The following C4orf50 variants were observed in gnomAD, a reference collection of about 807,000 sequenced individuals.
C4orf50 encodes the protein chromosome 4 open reading frame 50, also known as uncharacterized protein C4orf50.
In C4orf50, 80 loss-of-function variants were observed where a neutral mutation model predicts 77.2. That is an observed-to-expected ratio of 1.04 (90% CI 0.87 to 1.25). The LOEUF is 1.25. Among genes scored for constraint, C4orf50 ranks in the 50% most tolerant of loss-of-function variants. C4orf50 has a pLI of 0.00. For synonymous variants in C4orf50, 532 were observed against 465.3 expected, an observed-to-expected ratio of 1.14 and a Z score of -1.84; for missense variants, 1,257 against 1,152.9, an observed-to-expected ratio of 1.09 and a Z score of -1.31.
At chr4:5,989,758 G>A (rs1373457522) in exon 28 of C4orf50, 10 of 1,531,158 alleles carry the variant, frequency 6.5e-6, no homozygotes, top group Non-Finnish European at 8.7e-6. Context: ...TGTCTCTCCT[G>A]CAAAGAAAAG....
intron 7 of C4orf50, among the ~76,000 whole-genome samples, chr4:5,945,182 C>A (rs1034502279): frequency 1.3e-5 from 2 of 152,364 alleles, no homozygotes; most frequent in African/African-American, 4.8e-5. Flanking sequence ...CCCCAGTCCC[C>A]TCTGCATGAA....
intron 7 of C4orf50, among the ~76,000 whole-genome samples, chr4:5,935,023 G>A (rs773321736): frequency 6.6e-6 from 1 of 152,222 alleles, no homozygotes; most frequent in Non-Finnish European, 1.5e-5. Context: ...AGATACAGTT[G>A]TCATGAAGGC....
At chr4:6,004,353 G>T (rs1460571026) in intron 25 of C4orf50, among the ~76,000 whole-genome samples, 12 of 17,760 alleles carry the variant, frequency 6.8e-4, no homozygotes, top group African/African-American at 1.5e-3. Flanking sequence ...TGATGATGAC[G>T]GTGATGGTGA....
chr4:6,000,401 C>G lies in C4orf50; in HGVS notation c.964-5925G>C, dbSNP rs899772689. On this transcript the variant is annotated intron_variant, in intron 25 of 33. Transcript: ENST00000531445. The surrounding 1 kb of genome is among the most constrained non-coding windows in gnomAD (Gnocchi z 6.0). ...AACCTGAGAGCTGGTGGCTGGCTAG[C>G]TCTTCACATTTCCCAGTGGCCCTCT... is the stretch of plus-strand genomic sequence containing the variant. Among the ~76,000 whole-genome samples the G allele has an allele frequency of 6.6e-6, 1 of 152,170 alleles. No homozygotes were observed. The highest frequency in any genetic ancestry group is 2.4e-5 in the African/African-American group (1 of 41,428).
In C4orf50 at chr4:5,972,008, ATT is replaced by A. The variant is rs33971925; in HGVS notation, c.4104+1649_4104+1650del. The stretch of plus-strand genomic sequence containing the variant: ...TTCACAACCTGGAACTCTGCTTTCG[ATT>A]TTTTTTTTTTTTTTTGACACAGTCT... On this transcript the variant is annotated intron_variant, in intron 31 of 33. Coordinates refer to ENST00000531445, the Ensembl canonical transcript of C4orf50. 3.1e-3 allele frequency among the ~76,000 whole-genome samples: 436 copies of A among 140,054 alleles called. 6 individuals carry two copies. Among genetic ancestry groups the A allele is most frequent in the African/African-American group, 9.2e-3 (349 of 37,932 alleles). 91.9% of individuals were successfully genotyped at this position (140,054 alleles called of 152,430 possible). A position where few individuals can be genotyped will look rare whatever the true frequency, so the allele number is the denominator to read the frequency against.
intron 28 of C4orf50, among the ~76,000 whole-genome samples, chr4:5,986,298 T>A (rs1720851889): frequency 6.6e-6 from 1 of 152,174 alleles, no homozygotes; most frequent in South Asian, 2.1e-4. Flanking sequence ...ATATACTGTA[T>A]ATTTTCTGAC....
At chr4:5,923,581 G>A (rs932091873) in intron 7 of C4orf50, among the ~76,000 whole-genome samples, 1 of 150,412 alleles carries the variant, frequency 6.6e-6, no homozygotes, top group Admixed American at 6.6e-5. Flanking sequence ...GCGAGGGATC[G>A]GGGGTAGGGA....
intron 7 of C4orf50, among the ~76,000 whole-genome samples, chr4:5,933,954 G>A (rs1289664141): frequency 6.6e-6 from 1 of 152,118 alleles, no homozygotes; most frequent in Non-Finnish European, 1.5e-5. Context: ...AGGAAGAGAT[G>A]ACAGAGAGGA....
At chr4:5,998,835 G>A (rs938267215) in intron 25 of C4orf50, among the ~76,000 whole-genome samples, 4 of 152,232 alleles carry the variant, frequency 2.6e-5, no homozygotes, top group African/African-American at 9.6e-5. Context: ...TCATGGGAAA[G>A]CATTCAGACC....
intron 7 of C4orf50, among the ~76,000 whole-genome samples, chr4:5,924,621 GAGC>G (rs1717431683): frequency 6.6e-6 from 1 of 152,196 alleles, no homozygotes; most frequent in African/African-American, 2.4e-5. Flanking sequence ...GGCGGGCCTG[GAGC>G]AGCAGCCCAG....
At chr4:5,999,367 G>A (rs1226324739) in intron 25 of C4orf50, among the ~76,000 whole-genome samples, 1 of 152,144 alleles carries the variant, frequency 6.6e-6, no homozygotes, top group Non-Finnish European at 1.5e-5. Context: ...CACCTCATAA[G>A]CTTGTTGTGG....
At chr4:5,959,662 C>T in intron 33 of C4orf50, 36 bp from the exon 12 acceptor site, 1 of 1,580,462 alleles carries the variant, frequency 6.3e-7, no homozygotes, top group East Asian at 2.3e-5. Context: ...GTCTCTGCGT[C>T]CACATGTTTG....
At chr4:5,922,980 C>T (rs1410559975) in intron 7 of C4orf50, among the ~76,000 whole-genome samples, 1 of 152,196 alleles carries the variant, frequency 6.6e-6, no homozygotes, top group East Asian at 1.9e-4. Flanking sequence ...TCATTCTAAA[C>T]ATTTTGACAG....
intron 7 of C4orf50, chr4:5,898,199 C>T (rs1422133442): frequency 6.6e-6 from 1 of 152,194 alleles, no homozygotes; most frequent in Admixed American, 6.5e-5. Flanking sequence ...TTGCCAGCCT[C>T]GCTTATCACT....
intron 7 of C4orf50, among the ~76,000 whole-genome samples, chr4:5,930,898 G>A (rs1043079016): frequency 1.3e-5 from 2 of 152,232 alleles, no homozygotes; most frequent in African/African-American, 4.8e-5. Context: ...GAAGAAGAGT[G>A]CTGGGAAGCG....
At chr4:5,965,103 T>G in exon 33 of C4orf50, 1 of 1,613,782 alleles carries the variant, frequency 6.2e-7, no homozygotes, top group South Asian at 1.1e-5. Flanking sequence ...CAATGAGCTT[T>G]GGAGGACACT....
chr4:6,006,395 A>G, intron 25 of C4orf50, among the ~76,000 whole-genome samples: 1 of 152,220 alleles, frequency 6.6e-6, no homozygotes, highest in East Asian at 1.9e-4. Flanking sequence ...CTTCCATTGC[A>G]GAAGGCAGGC....
At chr4:5,930,243 T>A (rs572731754) in intron 7 of C4orf50, among the ~76,000 whole-genome samples, 2 of 152,260 alleles carry the variant, frequency 1.3e-5, no homozygotes, top group East Asian at 3.9e-4. Flanking sequence ...GATTGGATGG[T>A]CTCTGGGCAC....
Position 5,908,497 on chromosome 4 carries a change from A to G in C4orf50, c.*2475-10309T>C, listed in dbSNP as rs1200563608. Among the ~76,000 whole-genome samples, 1 of 152,090 alleles carries G rather than the reference A, an allele frequency of 6.6e-6. No homozygotes were observed. Among genetic ancestry groups the G allele is most frequent in the East Asian group, 1.9e-4 (1 of 5,170 alleles). ...CGACTAGGCTACAGCCTCCCTTCAG[A>G]GTCCAGTGGAGGAAGCAAATGTGTG... is the stretch of plus-strand genomic sequence containing the variant. On this transcript the variant is annotated intron_variant, in intron 7 of 7. Transcript: ENST00000324058. The surrounding 1 kb of genome is among the most constrained non-coding windows in gnomAD (Gnocchi z 5.6).
Sources: allele counts gnomAD v4.1 joint callset (sites outside exome capture counted in the v4.1 genomes callset), GRCh38; gene constraint gnomAD v4.1.1; non-coding constraint Gnocchi (gnomAD v3.1); transcripts MANE v1.5; gene names NCBI Gene and HGNC (gene_info 2026-07-23, HGNC 2026-07-21).